Variants in PCDHGB2 observed in about 807,000 individuals in gnomAD.
The protein encoded by PCDHGB2 is protocadherin gamma subfamily B, 2, also known as protocadherin gamma-B2.
Under a neutral mutation model 59.3 loss-of-function variants are expected in PCDHGB2, and 55 were observed. That is an observed-to-expected ratio of 0.93 (90% CI 0.75 to 1.16). PCDHGB2 has a LOEUF of 1.16. Ranked by LOEUF, PCDHGB2 falls within the 50% of genes most tolerant of loss-of-function variation. The probability of loss-of-function intolerance (pLI) is 0.00; values close to 1 mark genes in which losing one functional copy is unlikely to be tolerated. For synonymous variants in PCDHGB2, 516 were observed against 512.0 expected (o/e 1.01, Z -0.11); for missense variants, 1,228 against 1,198.5 (o/e 1.02, Z -0.36).
At chr5:141,381,974 C>T (rs1049134937) in intron 1 of PCDHGB2, among the ~76,000 whole-genome samples, 18 of 151,606 alleles carry the variant, frequency 1.2e-4, no homozygotes, top group Admixed American at 5.9e-4. Flanking sequence ...GGATTACAGG[C>T]GCGCGCCACC....
At chr5:141,478,339 C>A in intron 1 of PCDHGB2, 1 of 1,613,918 alleles carries the variant, frequency 6.2e-7, no homozygotes, top group Admixed American at 1.7e-5. Flanking sequence ...CAGGGCCCTC[C>A]TTGCACGCGG....
chr5:141,374,666 G>T (rs1770705641), intron 1 of PCDHGB2: 3 of 1,611,404 alleles, frequency 1.9e-6, no homozygotes, highest in Non-Finnish European at 2.5e-6. Flanking sequence ...CCCGGAGCTG[G>T]TGCTGGAGGG....
At chr5:141,497,223 T>C (rs921763195) in intron 2 of PCDHGB2, among the ~76,000 whole-genome samples, 1 of 151,762 alleles carries the variant, frequency 6.6e-6, no homozygotes, top group Admixed American at 6.6e-5. Context: ...GGGGGGAAGA[T>C]CAGAGAAGGC....
intron 1 of PCDHGB2, chr5:141,384,846 C>T: frequency 1.2e-6 from 2 of 1,613,586 alleles, no homozygotes; most frequent in Non-Finnish European, 1.7e-6. Context: ...TCCAGGACCA[C>T]GGTCAGCCTC....
intron 1 of PCDHGB2, among the ~76,000 whole-genome samples, chr5:141,469,449 C>A (rs1017174114): frequency 2.0e-5 from 3 of 151,846 alleles, no homozygotes; most frequent in African/African-American, 7.3e-5. Context: ...GTGGTGCACA[C>A]CTGTAGTCTC....
At chr5:141,462,071 C>T (rs1473972601) in intron 1 of PCDHGB2, among the ~76,000 whole-genome samples, 1 of 152,214 alleles carries the variant, frequency 6.6e-6, no homozygotes, top group African/African-American at 2.4e-5. Context: ...GATCTGCCCG[C>T]CTTGGCCTCC....
chr5:141,427,023 G>A, intron 1 of PCDHGB2: 1 of 456,968 alleles, frequency 2.2e-6, no homozygotes, highest in Non-Finnish European at 4.4e-6. Flanking sequence ...TGTATACAAA[G>A]TCAGCCTTAG....
At chr5:141,376,387 G>C (rs772638473) in intron 1 of PCDHGB2, 1 of 1,614,218 alleles carries the variant, frequency 6.2e-7, no homozygotes, top group Admixed American at 1.7e-5. Flanking sequence ...AGAGTCATCT[G>C]ATTTTCCCCC....
chr5:141,480,970 A>C (rs1189003084), intron 1 of PCDHGB2, among the ~76,000 whole-genome samples: 1 of 152,120 alleles, frequency 6.6e-6, no homozygotes, highest in Non-Finnish European at 1.5e-5. Flanking sequence ...AGTGAGGGAG[A>C]ATCAGTGAAC....
At chr5:141,438,763 G>C (rs537316602) in intron 1 of PCDHGB2, among the ~76,000 whole-genome samples, 1 of 149,962 alleles carries the variant, frequency 6.7e-6, no homozygotes, top group South Asian at 2.1e-4. Context: ...CTGGGTTCAA[G>C]CGATTCTCCT....
At chr5:141,478,884 C>A in intron 1 of PCDHGB2, 1 of 1,194,298 alleles carries the variant, frequency 8.4e-7, no homozygotes, top group Non-Finnish European at 1.1e-6. Flanking sequence ...AGCTTGGTAT[C>A]ATTTACATTA....
chr5:141,404,261 C>G, intron 1 of PCDHGB2: 1 of 1,613,950 alleles, frequency 6.2e-7, no homozygotes. Flanking sequence ...CACAGAAATT[C>G]ACATCACCCT....
intron 1 of PCDHGB2, chr5:141,419,707 C>T (rs781629810): frequency 4.6e-5 from 74 of 1,613,062 alleles, no homozygotes; most frequent in Middle Eastern, 1.7e-4. Flanking sequence ...AGCCCGGGCT[C>T]TTCAGCCTGG....
intron 1 of PCDHGB2, chr5:141,422,609 A>G: frequency 6.2e-7 from 1 of 1,613,882 alleles, no homozygotes; most frequent in Non-Finnish European, 8.5e-7. Context: ...TACTCTGCCT[A>G]CATTCCCGAA....
chr5:141,494,236 T>C (rs1384800217), intron 1 of PCDHGB2, among the ~76,000 whole-genome samples: 7 of 152,128 alleles, frequency 4.6e-5, no homozygotes, highest in Non-Finnish European at 1.0e-4. Flanking sequence ...AAATTAATAA[T>C]GTATTTAGCT....
intron 3 of PCDHGB2, 78 bp from the exon 4 acceptor site, chr5:141,510,869 T>C: frequency 9.3e-6 from 15 of 1,608,708 alleles, no homozygotes; most frequent in Non-Finnish European, 1.3e-5. Flanking sequence ...AGGCATTCAT[T>C]AACTGCTGGG....
chr5:141,432,366 A>T lies in PCDHGB2; in HGVS notation c.2422-62441A>T. The T allele has an allele frequency of 6.2e-7, 1 of 1,614,204 alleles. No homozygotes were observed. Among genetic ancestry groups the T allele is most frequent in the Non-Finnish European group, 8.5e-7 (1 of 1,180,034 alleles). On this transcript the variant is annotated intron_variant, in intron 1 of 3. Coordinates refer to ENST00000522605, the MANE Select transcript of PCDHGB2 (RefSeq NM_018923.3). This position sits in a 1 kb window ranked among gnomAD's most constrained non-coding sequence, Gnocchi z 6.0. Reference sequence around the variant, plus strand: ...TTGCAAGTGAAAGTGATGGCGCGGGACAACGGGCACCCGCCCCTCAGCAGC... The same window carrying T: ...TTGCAAGTGAAAGTGATGGCGCGGGTCAACGGGCACCCGCCCCTCAGCAGC...
At chr5:141,409,461 T>C in intron 1 of PCDHGB2, 1 of 1,613,928 alleles carries the variant, frequency 6.2e-7, no homozygotes, top group Non-Finnish European at 8.5e-7. Flanking sequence ...GAATACAATG[T>C]CACCATCGTA....
chr5:141,364,605 G>C (rs1380468665), intron 1 of PCDHGB2: 7 of 1,614,186 alleles, frequency 4.3e-6, no homozygotes, highest in South Asian at 1.1e-5. Flanking sequence ...AGGATAGACC[G>C]GGAGGAGCTC....
Sources: allele counts gnomAD v4.1 joint callset (sites outside exome capture counted in the v4.1 genomes callset), GRCh38; gene constraint gnomAD v4.1.1; non-coding constraint Gnocchi (gnomAD v3.1); transcripts MANE v1.5; gene names NCBI Gene and HGNC (gene_info 2026-07-23, HGNC 2026-07-21).